The following RADIL variants were observed in gnomAD, a reference collection of about 807,000 sequenced individuals.
RADIL encodes Rap associating with DIL domain.
RADIL carries 99 observed loss-of-function variants against 97.6 expected under a neutral mutation model. That is an observed-to-expected ratio of 1.01 (90% CI 0.86 to 1.20). The LOEUF (loss-of-function observed/expected upper bound fraction) is 1.20. Ranked by LOEUF, RADIL falls within the 50% of genes most tolerant of loss-of-function variation. RADIL has a pLI of 0.00. For missense variants in RADIL, 1,765 were observed against 1,498.9 expected (o/e 1.18, Z -2.93); for synonymous variants, 803 against 691.8 (o/e 1.16, Z -2.52).
At position 4,873,963 on chromosome 7, in the gene RADIL, C is replaced by A. The variant is rs1358118693; in HGVS notation, c.535+3642G>T. 6.6e-6 allele frequency among the ~76,000 whole-genome samples: 1 copy of A among 152,252 alleles called. No homozygotes were observed. The highest frequency in any genetic ancestry group is 2.4e-5 in the African/African-American group (1 of 41,472). The stretch of plus-strand genomic sequence containing the variant: ...CCACCTCCTCCCCTTCTCTGGCTCT[C>A]AGTCGTTCCCCTTGGAGGGGCGAGG... On this transcript the variant is annotated intron_variant, in intron 2 of 14. Coordinates refer to ENST00000399583, the MANE Select transcript of RADIL (RefSeq NM_018059.5). This position sits in a 1 kb window ranked among gnomAD's most constrained non-coding sequence, Gnocchi z 4.3.
rs1383148485 is a variant in RADIL, at chr7:4,801,745, G to A, written c.2750C>T (p.Pro917Leu). The change falls in exon 12 of 15, where the codon CCC (proline) becomes CTC (leucine). Residue 917 changes from proline (P) to leucine (L), a missense_variant. Pro to Leu is a moderately conservative substitution (Grantham distance 98, BLOSUM62 -3). Transcript: ENST00000399583. ...GGGGCCGCCGGACTCTGGCCAGTCG[G>A]GGTCCCCAGGCTCAGGGCCAAGTGG... ...STPLGPEPGD[P>L]DWPESGGPCG... The A allele has an allele frequency of 6.2e-7, 1 of 1,610,474 alleles. No homozygotes were observed. The highest frequency in any genetic ancestry group is 1.3e-5 in the African/African-American group (1 of 74,902).
chr7:4,800,090 G>A (rs1037169256), intron 13 of RADIL, 81 bp downstream of exon 13: 62 of 1,458,758 alleles, frequency 4.3e-5, no homozygotes, highest in Middle Eastern at 2.0e-4. Flanking sequence ...ACGTGGCCAC[G>A]CAAGCTGCGG....
intron 9 of RADIL, chr7:4,809,115 G>C (rs1175623752): frequency 3.0e-6 from 3 of 984,678 alleles, no homozygotes; most frequent in East Asian, 2.3e-4. Flanking sequence ...CGGGGCGCAG[G>C]ACAGGCGCTT....
chr7:4,808,479 T>A, intron 9 of RADIL: 1 of 705,896 alleles, frequency 1.4e-6, no homozygotes, highest in Non-Finnish European at 1.7e-6. Flanking sequence ...AGGCCTATTT[T>A]TATAGGGCCC....
In RADIL at chr7:4,880,469, GT is replaced by G. The variant is rs1784461653; in HGVS notation, c.-64-2267del. Among the ~76,000 whole-genome samples the G allele has an allele frequency of 6.6e-6, 1 of 152,150 alleles. No individual in the cohort carries two copies. The highest frequency in any genetic ancestry group is 1.5e-5 in the Non-Finnish European group (1 of 68,030). The stretch of plus-strand genomic sequence containing the variant: ...CTCCTGTGGTCAGTTTTCAAAGTGA[GT>G]ACTTGGAATCACAGAACAAAACCCC... On this transcript the variant is annotated intron_variant, in intron 1 of 14. Coordinates refer to ENST00000399583, the MANE Select transcript of RADIL (RefSeq NM_018059.5). This position sits in a 1 kb window ranked among gnomAD's most constrained non-coding sequence, Gnocchi z 4.5.
At chr7:4,811,690 T>G (rs573562110) in intron 9 of RADIL, among the ~76,000 whole-genome samples, 110 of 151,914 alleles carry the variant, frequency 7.2e-4, no homozygotes, top group African/African-American at 2.0e-3. Flanking sequence ...GGTTTCACCT[T>G]GTTAGCTAGG....
intron 5 of RADIL, among the ~76,000 whole-genome samples, chr7:4,826,067 G>T (rs916034014): frequency 1.1e-4 from 16 of 151,506 alleles, no homozygotes; most frequent in Admixed American, 9.9e-4. Flanking sequence ...ATTAGCCAGG[G>T]CATGGTGGTG....
intron 2 of RADIL, among the ~76,000 whole-genome samples, chr7:4,853,092 T>C (rs1487626159): frequency 1.3e-5 from 2 of 152,092 alleles, no homozygotes; most frequent in Non-Finnish European, 2.9e-5. Context: ...GACCTTGAGA[T>C]GGGGTGAGTG....
chr7:4,799,401 G>C lies in RADIL; in HGVS notation c.3205C>G (p.His1069Asp). 1 of 1,613,812 alleles carries C rather than the reference G, an allele frequency of 6.2e-7. No homozygotes were observed. Among genetic ancestry groups the C allele is most frequent in the Non-Finnish European group, 8.5e-7 (1 of 1,179,980 alleles). The change falls in exon 15 of 15, where the codon CAT becomes GAT. Residue 1069 changes from histidine (H) to aspartate (D), a missense_variant. Coordinates refer to ENST00000399583, the MANE Select transcript of RADIL (RefSeq NM_018059.5). ...CCCTAGAGAGGGGGCGTGCGGAAAT[G>C]GATCTTCTTGGCTGTTTCCACGTCG... ...KSDVETAKKI[H>D]FRTPPL
intron 5 of RADIL, among the ~76,000 whole-genome samples, chr7:4,828,586 C>G (rs910937815): frequency 6.6e-6 from 1 of 152,202 alleles, no homozygotes; most frequent in Non-Finnish European, 1.5e-5. Context: ...ACACAGAACA[C>G]AAAGATTTGA....
intron 2 of RADIL, among the ~76,000 whole-genome samples, chr7:4,869,725 A>C (rs1355031935): frequency 1.3e-5 from 2 of 152,164 alleles, no homozygotes; most frequent in African/African-American, 2.4e-5. Flanking sequence ...ACATAGTTTC[A>C]ATCACCATGG....
intron 2 of RADIL, chr7:4,859,556 A>T (rs1399463628): frequency 4.5e-6 from 1 of 223,240 alleles, no homozygotes; most frequent in Non-Finnish European, 8.9e-6. Context: ...AATGAGCCTC[A>T]ATCTATTTCA....
chr7:4,810,768 T>A (rs886226317), intron 9 of RADIL, among the ~76,000 whole-genome samples: 10 of 152,078 alleles, frequency 6.6e-5, no homozygotes, highest in Non-Finnish European at 1.5e-5. Context: ...CACCTGAGGG[T>A]TCAAACCACT....
chr7:4,801,326 C>A (rs1268149763), intron 12 of RADIL, among the ~76,000 whole-genome samples: 1 of 152,240 alleles, frequency 6.6e-6, no homozygotes, highest in Non-Finnish European at 1.5e-5. Flanking sequence ...TGGGTTCCCC[C>A]TCAGCACATC....
At position 4,799,737 on chromosome 7, in the gene RADIL, G is replaced by T. The variant is rs377292982; in HGVS notation, c.3015C>A (p.Ile1005=). 195 of 1,557,562 alleles carry T rather than the reference G, an allele frequency of 1.3e-4. No homozygotes were observed. The African/African-American group carries it at 2.3e-3, about 19-fold the overall frequency. ...HTHLGAPGLY[I]QTLLPGSPAA... is the part of the protein sequence containing the mutation. Reference sequence around the variant, plus strand: ...CGGGGCTGCCCGGGAGCAGGGTCTGGATGTAGAGCCCGGGGGCGCCCAGGT... The same window carrying T: ...CGGGGCTGCCCGGGAGCAGGGTCTGTATGTAGAGCCCGGGGGCGCCCAGGT... Residue 1005 remains isoleucine (I), a synonymous_variant, in exon 14 of 15, where the codon ATC becomes ATA. Transcript: ENST00000399583.
chr7:4,815,555 G>A lies in RADIL; in HGVS notation c.1967-105C>T. ...CCCTTCCCGGCTCTGGGCCACTGAG[G>A]ACATCACAGCTCGATGACAGGCAGG... On this transcript the variant is annotated intron_variant, in intron 8 of 14. Transcript: ENST00000399583. This position sits in a 1 kb window ranked among gnomAD's most constrained non-coding sequence, Gnocchi z 8.0. 1 of 1,230,626 alleles carries A rather than the reference G, an allele frequency of 8.1e-7. No homozygotes were observed. The highest frequency in any genetic ancestry group is 2.8e-5 in the East Asian group (1 of 35,934). The allele number at this position is 1,230,626 out of a possible 1,614,324, so 76.2% of individuals were successfully genotyped here. A position where few individuals can be genotyped will look rare whatever the true frequency, so the allele number is the denominator to read the frequency against.
chr7:4,869,946 C>T (rs898581014), intron 2 of RADIL, among the ~76,000 whole-genome samples: 7 of 152,144 alleles, frequency 4.6e-5, no homozygotes, highest in African/African-American at 1.7e-4. Context: ...TGCTGGGCAA[C>T]ATAGTGAGAC....
At chr7:4,865,689 A>C (rs1784115507) in intron 2 of RADIL, 1 of 995,902 alleles carries the variant, frequency 1.0e-6, no homozygotes, top group Admixed American at 1.7e-5. Context: ...AACTGCTCAA[A>C]TTGGCAGCAT....
intron 2 of RADIL, among the ~76,000 whole-genome samples, chr7:4,869,910 C>T (rs1336352064): frequency 2.0e-5 from 3 of 152,148 alleles, no homozygotes; most frequent in Non-Finnish European, 2.9e-5. Flanking sequence ...GCAGGAGGAC[C>T]ACCTGAACTC....
Sources: gnomAD v4.1 joint callset for allele counts (sites outside exome capture counted in the v4.1 genomes callset) on GRCh38, gnomAD v4.1.1 for gene constraint, Gnocchi (gnomAD v3.1) non-coding constraint, MANE v1.5 for transcripts, NCBI Gene and HGNC (gene_info 2026-07-23, HGNC 2026-07-21) for gene names.